COL6A6: variants seen among roughly 807,000 people sequenced by gnomAD.
COL6A6 encodes the protein collagen alpha-6(VI) chain.
A neutral mutation model predicts 208.6 loss-of-function variants in COL6A6; 183 were observed. That is an observed-to-expected ratio of 0.88 (90% CI 0.78 to 0.99). COL6A6 has a LOEUF of 0.99. Ranked by LOEUF, COL6A6 falls within the 50% of genes least tolerant of loss-of-function variation. The pLI is 0.00. For missense variants in COL6A6, 2,816 were observed against 2,815.2 expected (o/e 1.00, Z -0.01); for synonymous variants, 973 against 1,011.8 (o/e 0.96, Z 0.73).
At chr3:130,613,805 G>T (rs992408022) in intron 23 of COL6A6, among the ~76,000 whole-genome samples, 1 of 152,066 alleles carries the variant, frequency 6.6e-6, no homozygotes, top group African/African-American at 2.4e-5. Context: ...TTCCTGATTT[G>T]GCTCTCGGCT....
At position 130,564,999 on chromosome 3, in the gene COL6A6, C is replaced by G. The variant is rs764181941; in HGVS notation, c.667C>G (p.Gln223Glu). 6.2e-7 allele frequency: 1 copy of G among 1,612,250 alleles called. No homozygotes were observed. The highest frequency in any genetic ancestry group is 1.3e-5 in the African/African-American group (1 of 74,866). ...AVDDIFVEAC[Q>E]GPSMADVVFL... ...GTTTATTTCTTGCCACACAGCTTGC[C>G]AAGGCCCTTCTATGGCCGATGTTGT... The change falls in exon 4 of 37, where the codon CAA becomes GAA. Residue 223 changes from glutamine (Q) to glutamate (E), a missense_variant. Physicochemically the swap from Gln to Glu is conservative, Grantham distance 29. Transcript: ENST00000358511.
chr3:130,540,485 C>A lies in COL6A6; in HGVS notation c.-31-19849C>A, dbSNP rs573948643. Among the ~76,000 whole-genome samples the A allele has an allele frequency of 1.1e-4, 17 of 152,130 alleles. No individual in the cohort carries two copies. The South Asian group carries it at 2.7e-3, about 24-fold the overall frequency. On this transcript the variant is annotated intron_variant, in intron 1 of 36. Transcript: ENST00000358511. ...TGACCTACAGATCCTTTGTGCTCTG[C>A]CCTTTTTTTCTTTTTTAAAAAATTT...
chr3:130,634,949 G>A (rs2065066966), intron 27 of COL6A6, among the ~76,000 whole-genome samples: 1 of 152,012 alleles, frequency 6.6e-6, no homozygotes, highest in African/African-American at 2.4e-5. Flanking sequence ...AAAGTATAAT[G>A]TAAGGCCAGG....
At chr3:130,532,008 T>C (rs1473296314) in intron 1 of COL6A6, among the ~76,000 whole-genome samples, 1 of 152,214 alleles carries the variant, frequency 6.6e-6, no homozygotes, top group African/African-American at 2.4e-5. Context: ...TTTTGAAAAA[T>C]GCCAGATGAA....
chr3:130,574,006 A>G lies in COL6A6; in HGVS notation c.3028A>G (p.Ser1010Gly), dbSNP rs1321813374. The G allele has an allele frequency of 6.2e-7, 1 of 1,613,762 alleles. No individual in the cohort carries two copies. Among genetic ancestry groups the G allele is most frequent in the Non-Finnish European group, 8.5e-7 (1 of 1,179,682 alleles). Residue 1010 changes from serine to glycine, a missense_variant, in exon 8 of 37, where the codon AGC becomes GGC. Coordinates refer to ENST00000358511, the MANE Select transcript of COL6A6 (RefSeq NM_001102608.3). Reference protein sequence around the residue: ...DLVFLMDGSTSIQPNDFKKMK... With the variant: ...DLVFLMDGSTGIQPNDFKKMK... The stretch of plus-strand genomic sequence containing the variant: ...TGTTTTCCTTATGGATGGTTCAACT[A>G]GCATTCAGCCAAATGACTTCAAGAA...
At chr3:130,550,697 C>G (rs1004553330) in intron 1 of COL6A6, among the ~76,000 whole-genome samples, 1 of 152,146 alleles carries the variant, frequency 6.6e-6, no homozygotes, top group African/African-American at 2.4e-5. Flanking sequence ...AAGGGAAAGA[C>G]CAGCCCCAAG....
At chr3:130,651,425 C>CAAAAAAAA (rs35957602) in intron 33 of COL6A6, among the ~76,000 whole-genome samples, 5 of 61,012 alleles carry the variant, frequency 8.2e-5, no homozygotes, top group Admixed American at 3.5e-4. Context: ...GACTCCATCT[C>CAAAAAAAA]AAAAAAAAAA....
intron 1 of COL6A6, among the ~76,000 whole-genome samples, chr3:130,543,812 A>C (rs2062430095): frequency 1.3e-5 from 2 of 152,144 alleles, no homozygotes; most frequent in Admixed American, 1.3e-4. Flanking sequence ...TTTATGTATG[A>C]GTTTCTGACA....
intron 10 of COL6A6, among the ~76,000 whole-genome samples, chr3:130,583,372 G>A (rs988370683): frequency 6.6e-6 from 1 of 152,024 alleles, no homozygotes. Flanking sequence ...GGATGGGTAG[G>A]GTTGTTTTGG....
intron 23 of COL6A6, among the ~76,000 whole-genome samples, chr3:130,616,016 T>A (rs895027261): frequency 6.6e-6 from 1 of 152,186 alleles, no homozygotes; most frequent in Non-Finnish European, 1.5e-5. Flanking sequence ...GGTTTTTCTT[T>A]CTGTGCTTGG....
intron 23 of COL6A6, among the ~76,000 whole-genome samples, chr3:130,620,550 A>G (rs2064683656): frequency 6.6e-6 from 1 of 152,206 alleles, no homozygotes; most frequent in African/African-American, 2.4e-5. Flanking sequence ...GTTAGAAGGG[A>G]ATGGGTTGAG....
intron 32 of COL6A6, among the ~76,000 whole-genome samples, chr3:130,648,314 A>G (rs1331724403): frequency 6.6e-6 from 1 of 152,248 alleles, no homozygotes; most frequent in Non-Finnish European, 1.5e-5. Context: ...ACAATGAAAA[A>G]GTCTGGAATG....
intron 3 of COL6A6, 101 bp from the exon 4 acceptor site, chr3:130,564,893 G>C: frequency 7.7e-7 from 1 of 1,299,628 alleles, no homozygotes; most frequent in Non-Finnish European, 1.1e-6. Context: ...TTCTCTAAGT[G>C]CATAACTGAG....
chr3:130,571,537 A>G lies in COL6A6; in HGVS notation c.2977+144A>G, dbSNP rs1272244748. The G allele has an allele frequency of 1.1e-4, 63 of 599,474 alleles. No individual in the cohort carries two copies. In the East Asian group the frequency reaches 1.8e-3, roughly 17 times the overall value. The allele number at this position is 599,474 out of a possible 1,614,324, so 37.1% of individuals were successfully genotyped here. A position where few individuals can be genotyped will look rare whatever the true frequency, so the allele number is the denominator to read the frequency against. On this transcript the variant is annotated intron_variant, in intron 7 of 36. Coordinates refer to ENST00000358511, the MANE Select transcript of COL6A6 (RefSeq NM_001102608.3). ...TTCATAGGACTTTCTATATTATAAAATCTGAGGGTTGGAAAGACCTTGGGC... is the reference window on the plus strand; with the variant it reads ...TTCATAGGACTTTCTATATTATAAAGTCTGAGGGTTGGAAAGACCTTGGGC...
chr3:130,534,990 A>T (rs2062189720), intron 1 of COL6A6, among the ~76,000 whole-genome samples: 1 of 152,048 alleles, frequency 6.6e-6, no homozygotes, highest in Non-Finnish European at 1.5e-5. Context: ...ATCAAATCTC[A>T]TTCATTTGTT....
intron 23 of COL6A6, among the ~76,000 whole-genome samples, chr3:130,620,121 T>G (rs551793098): frequency 5.0e-5 from 7 of 140,094 alleles, no homozygotes; most frequent in Non-Finnish European, 7.4e-5. Flanking sequence ...TTTGTTTTGT[T>G]TTTTTTTGGC....
intron 3 of COL6A6, among the ~76,000 whole-genome samples, chr3:130,564,101 G>GT (rs1037173570): frequency 7.9e-5 from 12 of 152,068 alleles, no homozygotes; most frequent in Non-Finnish European, 1.5e-4. Flanking sequence ...AGATCCCCCT[G>GT]TTTTTTTGCA....
chr3:130,634,052 T>TAA lies in COL6A6; in HGVS notation c.4993-515_4993-514dup, dbSNP rs34137705. Among the ~76,000 whole-genome samples the TAA allele has an allele frequency of 6.7e-3, 186 of 27,750 alleles. 1 individual carries two copies. Among genetic ancestry groups the TAA allele is most frequent in the South Asian group, 8.2e-3 (6 of 734 alleles). The allele number at this position is 27,750 out of a possible 152,430, so 18.2% of individuals were successfully genotyped here. On this transcript the variant is annotated intron_variant, in intron 26 of 36. Transcript: ENST00000358511. ...ATGTACCCTAAAACTTAGAGTATAA[T>TAA]AAAAAAAAAAAAAAAAAAAAAAAAT...
At chr3:130,628,849 A>G (rs1161981617) in intron 26 of COL6A6, among the ~76,000 whole-genome samples, 1 of 117,204 alleles carries the variant, frequency 8.5e-6, no homozygotes, top group Non-Finnish European at 1.6e-5. Context: ...GTCTGTTAGA[A>G]GGAAAACTAA....
Sources: allele counts gnomAD v4.1 joint callset (sites outside exome capture counted in the v4.1 genomes callset), GRCh38; gene constraint gnomAD v4.1.1; transcripts MANE v1.5; gene names NCBI Gene and HGNC (gene_info 2026-07-23, HGNC 2026-07-21).